The following WRAP53 variants were observed in gnomAD, a reference collection of about 807,000 sequenced individuals.
WRAP53 encodes WD repeat containing antisense to TP53.
Under a neutral mutation model 56.6 loss-of-function variants are expected in WRAP53, and 28 were observed. The observed-to-expected ratio is 0.50, with a 90% confidence interval of 0.37 to 0.68. WRAP53 has a LOEUF of 0.68. WRAP53 is among the 30% of genes least tolerant of loss of function. WRAP53 has a pLI of 0.00. For missense variants in WRAP53, 671 were observed against 715.5 expected, an observed-to-expected ratio of 0.94 and a Z score of 0.71; for synonymous variants, 283 against 283.4, an observed-to-expected ratio of 1.00 and a Z score of 0.01.
chr17:7,698,526 G>A (rs532513971), intron 4 of WRAP53, among the ~76,000 whole-genome samples: 42 of 152,204 alleles, frequency 2.8e-4, no homozygotes, highest in Admixed American at 8.5e-4. Context: ...GAGGCCAGGA[G>A]TTTTAGACCA....
chr17:7,686,766 C>T (rs1740495230), upstream of WRAP53: 1 of 152,334 alleles, frequency 6.6e-6, no homozygotes, highest in Non-Finnish European at 1.5e-5. Context: ...GGGCAAACCC[C>T]TGGTTTAGCA....
intron 4 of WRAP53, among the ~76,000 whole-genome samples, chr17:7,699,418 TTTAAAA>T (rs1255612579): frequency 3.2e-5 from 4 of 126,360 alleles, no homozygotes; most frequent in Non-Finnish European, 6.6e-5. Context: ...AGACTCTGCC[TTTAAAA>T]TTAAAAAAAA....
chr17:7,699,504 AT>A (rs2074241770), intron 4 of WRAP53, among the ~76,000 whole-genome samples: 1 of 18,070 alleles, frequency 5.5e-5, no homozygotes, highest in African/African-American at 2.7e-4. Context: ...ATATATATTT[AT>A]ATATATATAT....
chr17:7,700,688 C>T, intron 4 of WRAP53, 53 bp from the exon 5 acceptor site: 1 of 1,342,400 alleles, frequency 7.4e-7, no homozygotes, highest in Non-Finnish European at 1.1e-6. Context: ...AGGCACGCGC[C>T]TCAGACTCCT....
chr17:7,700,686 G>T (rs370637813), intron 4 of WRAP53, 55 bp from the exon 5 acceptor site: 1 of 1,250,648 alleles, frequency 8.0e-7, no homozygotes, highest in Non-Finnish European at 1.2e-6. Flanking sequence ...AGAGGCACGC[G>T]CCTCAGACTC....
upstream of WRAP53, chr17:7,687,267 A>G (rs34686922): frequency 1.5e-4 from 58 of 398,092 alleles, no homozygotes; most frequent in East Asian, 8.9e-4. Context: ...CAAACTCGCT[A>G]AGTCCCCACT....
In WRAP53 at chr17:7,701,572, C is replaced by G; in HGVS notation, c.822+23C>G. 1 of 1,614,266 alleles carries G rather than the reference C, an allele frequency of 6.2e-7. No individual in the cohort carries two copies. Among genetic ancestry groups the G allele is most frequent in the South Asian group, 1.1e-5 (1 of 91,090 alleles). The stretch of plus-strand genomic sequence containing the variant: ...CTGGTAGGGACCGCCATACTCAGCC[C>G]CAGCACTCGTACTGGCCCGGCTCTC... On this transcript the variant is annotated intron_variant, in intron 6 of 10. Transcript: ENST00000396463. The surrounding 1 kb of genome is among the most constrained non-coding windows in gnomAD (Gnocchi z 4.2).
chr17:7,691,485 A>G (rs1353638796), intron 4 of WRAP53, among the ~76,000 whole-genome samples: 1 of 143,526 alleles, frequency 7.0e-6, no homozygotes, highest in African/African-American at 2.6e-5. Flanking sequence ...TGCCTCCTGG[A>G]TTCAAGCGAT....
At chr17:7,696,479 T>C (rs2074187471) in intron 4 of WRAP53, among the ~76,000 whole-genome samples, 1 of 151,970 alleles carries the variant, frequency 6.6e-6, no homozygotes, top group South Asian at 2.1e-4. Context: ...TTTGTGTTTT[T>C]AGTAGACACG....
In WRAP53 at chr17:7,701,609, G is replaced by A. The variant is rs758338600; in HGVS notation, c.823-48G>A. 5 of 1,614,142 alleles carry A rather than the reference G, an allele frequency of 3.1e-6. No homozygotes were observed. Among genetic ancestry groups the A allele is most frequent in the East Asian group, 2.2e-5 (1 of 44,888 alleles). ...CTGGCCCGGCTCTCCTTCCTTGAGGGCAGCTGAGGCTTTGCAAGACCTGTT... is the reference window on the plus strand; with the variant it reads ...CTGGCCCGGCTCTCCTTCCTTGAGGACAGCTGAGGCTTTGCAAGACCTGTT... On this transcript the variant is annotated intron_variant, in intron 6 of 10. Coordinates refer to ENST00000396463, the MANE Select transcript of WRAP53 (RefSeq NM_001143992.2). This position sits in a 1 kb window ranked among gnomAD's most constrained non-coding sequence, Gnocchi z 4.2.
At chr17:7,699,502 T>TTTATATATA (rs1555530501) in intron 4 of WRAP53, among the ~76,000 whole-genome samples, 1 of 11,762 alleles carries the variant, frequency 8.5e-5, no homozygotes, top group Non-Finnish European at 1.3e-4. Context: ...ATATATATAT[T>TTTATATATA]TATATATATA....
intron 4 of WRAP53, among the ~76,000 whole-genome samples, chr17:7,695,309 A>G (rs1366183219): frequency 6.6e-6 from 1 of 152,100 alleles, no homozygotes; most frequent in Non-Finnish European, 1.5e-5. Flanking sequence ...GTATTTGGGT[A>G]TTTCCATATA....
chr17:7,688,580 G>A lies in WRAP53; in HGVS notation c.-2+19G>A. On this transcript the variant is annotated intron_variant, in intron 1 of 10. Transcript: ENST00000396463. ...AGCACAGGTGGGTTTCTTTAGCTCTGCGTCGGATCCCTGAGAACTTCGAAG... is the reference window on the plus strand; with the variant it reads ...AGCACAGGTGGGTTTCTTTAGCTCTACGTCGGATCCCTGAGAACTTCGAAG... 1.3e-6 allele frequency: 2 copies of A among 1,571,108 alleles called. No homozygotes were observed. The highest frequency in any genetic ancestry group is 1.1e-5 in the South Asian group (1 of 88,042).
chr17:7,699,484 A>ATATATATATATATATATT (rs1567577432), intron 4 of WRAP53, among the ~76,000 whole-genome samples: 2 of 15,986 alleles, frequency 1.3e-4, no homozygotes, highest in Non-Finnish European at 2.0e-4. Flanking sequence ...ATTTATATAT[A>ATATATATATATATATATT]TATATATATA....
chr17:7,700,562 A>G (rs1368112357), intron 4 of WRAP53, among the ~76,000 whole-genome samples, 179 bp from the exon 5 acceptor site: 4 of 151,758 alleles, frequency 2.6e-5, no homozygotes, highest in Admixed American at 6.6e-5. Flanking sequence ...AAAAAAAAGT[A>G]TGAATCTATA....
chr17:7,686,105 G>T (rs962280371), upstream of WRAP53: 2 of 152,260 alleles, frequency 1.3e-5, no homozygotes, highest in Admixed American at 6.5e-5. Context: ...AGGAAGAACC[G>T]GCTCGGGCCG....
chr17:7,690,635 T>C (rs2074095331), intron 4 of WRAP53, among the ~76,000 whole-genome samples: 1 of 152,126 alleles, frequency 6.6e-6, no homozygotes, highest in Non-Finnish European at 1.5e-5. Flanking sequence ...AGAAAGGCCC[T>C]GCATGGTGGC....
chr17:7,689,834 C>A, intron 4 of WRAP53, 133 bp downstream of exon 4: 2 of 707,154 alleles, frequency 2.8e-6, no homozygotes, highest in Non-Finnish European at 2.4e-6. Context: ...CCACATGTAG[C>A]GTTTTCTGCC....
rs374218289 is a variant in WRAP53 at position 7,689,340 on chromosome 17, G to T, written c.530+18G>T. The T allele has an allele frequency of 1.2e-6, 2 of 1,611,630 alleles. No homozygotes were observed. The highest frequency in any genetic ancestry group is 2.2e-5 in the South Asian group (2 of 90,980). ...TGTAAGTGGTAAGGATAACAACGGGGCAGGGAGCTGACCACCCCCGAGATT... is the reference window on the plus strand; with the variant it reads ...TGTAAGTGGTAAGGATAACAACGGGTCAGGGAGCTGACCACCCCCGAGATT... On this transcript the variant is annotated intron_variant, in intron 3 of 10. Transcript: ENST00000396463.
Sources: gnomAD v4.1 joint callset for allele counts (sites outside exome capture counted in the v4.1 genomes callset) on GRCh38, gnomAD v4.1.1 for gene constraint, Gnocchi (gnomAD v3.1) non-coding constraint, MANE v1.5 for transcripts, NCBI Gene and HGNC (gene_info 2026-07-23, HGNC 2026-07-21) for gene names.